Variants in KDM4C observed in about 807,000 individuals in gnomAD.
KDM4C encodes lysine demethylase 4C, also known as lysine-specific demethylase 4C.
Under a neutral mutation model 129.3 loss-of-function variants are expected in KDM4C, and 81 were observed. The observed-to-expected ratio is 0.63, with a 90% CI of 0.52 to 0.75. KDM4C has a LOEUF of 0.75. Ranked by LOEUF, KDM4C falls within the 30% of genes least tolerant of loss-of-function variation. KDM4C has a pLI of 0.00. For synonymous variants in KDM4C, 573 were observed against 456.1 expected (o/e 1.26, Z -3.26); for missense variants, 1,457 against 1,304.0 (o/e 1.12, Z -1.81).
intron 4 of KDM4C, 196 bp downstream of exon 4, chr9:6,814,941 AC>A (rs1198552407): frequency 1.7e-5 from 7 of 414,640 alleles, no homozygotes; most frequent in African/African-American, 1.4e-4. Context: ...TCGTACAAAT[AC>A]CTGAAATTGT....
chr9:6,736,892 A>T (rs1817542079), intron 1 of KDM4C, among the ~76,000 whole-genome samples: 1 of 152,046 alleles, frequency 6.6e-6, no homozygotes, highest in South Asian at 2.1e-4. Context: ...CTCTACAAAA[A>T]AATACAAAAT....
intron 4 of KDM4C, among the ~76,000 whole-genome samples, chr9:6,828,186 C>T (rs1164161566): frequency 3.3e-5 from 5 of 151,862 alleles, no homozygotes; most frequent in Non-Finnish European, 7.4e-5. Context: ...CTCGCACTGT[C>T]GCCCAGGCTG....
upstream of KDM4C, chr9:6,757,582 C>CA: frequency 1.0e-6 from 1 of 965,084 alleles, no homozygotes; most frequent in Non-Finnish European, 1.2e-6. Flanking sequence ...CCAGGCTCTC[C>CA]AGTACATTCC....
At chr9:6,962,752 A>G (rs2131612509) in intron 8 of KDM4C, among the ~76,000 whole-genome samples, 1 of 152,312 alleles carries the variant, frequency 6.6e-6, no homozygotes, top group East Asian at 1.9e-4. Flanking sequence ...AGATTATAAT[A>G]CTTAAATGCA....
At chr9:7,140,488 T>TA (rs1235598486) in intron 19 of KDM4C, among the ~76,000 whole-genome samples, 1 of 152,192 alleles carries the variant, frequency 6.6e-6, no homozygotes, top group Non-Finnish European at 1.5e-5. Context: ...TCTTTCTTCT[T>TA]AGAGTTGGGG....
At chr9:7,132,234 A>G (rs1349829375) in intron 19 of KDM4C, among the ~76,000 whole-genome samples, 2 of 152,232 alleles carry the variant, frequency 1.3e-5, no homozygotes, top group East Asian at 3.9e-4. Flanking sequence ...AGAAAGTTAC[A>G]TTCCCATATT....
chr9:6,730,341 C>T (rs1032289594), intron 1 of KDM4C, among the ~76,000 whole-genome samples: 6 of 152,062 alleles, frequency 3.9e-5, no homozygotes, highest in African/African-American at 1.4e-4. Flanking sequence ...AGCGGCTGGG[C>T]GTGGTGGCTC....
At chr9:7,050,442 C>CAAAAAAA (rs71500910) in intron 17 of KDM4C, among the ~76,000 whole-genome samples, 3 of 78,278 alleles carry the variant, frequency 3.8e-5, no homozygotes, top group African/African-American at 8.6e-5. Flanking sequence ...CCCAGATTAC[C>CAAAAAAA]AAAAAAAAAA....
chr9:7,016,692 C>A (rs1329673704), intron 15 of KDM4C, among the ~76,000 whole-genome samples: 1 of 151,990 alleles, frequency 6.6e-6, no homozygotes, highest in Non-Finnish European at 1.5e-5. Context: ...TCCCAAAATG[C>A]TAGGATTACA....
At chr9:7,136,983 G>T (rs1439067198) in intron 19 of KDM4C, among the ~76,000 whole-genome samples, 1 of 152,176 alleles carries the variant, frequency 6.6e-6, no homozygotes, top group African/African-American at 2.4e-5. Context: ...GCTTTCTTGT[G>T]AGATTTATTT....
At chr9:6,861,664 C>T (rs1380525123) in intron 5 of KDM4C, among the ~76,000 whole-genome samples, 3 of 152,216 alleles carry the variant, frequency 2.0e-5, no homozygotes, top group African/African-American at 7.2e-5. Flanking sequence ...CTCTTCCTCC[C>T]AGTGACTTAT....
At chr9:6,931,934 C>G (rs1363416765) in intron 8 of KDM4C, among the ~76,000 whole-genome samples, 1 of 152,134 alleles carries the variant, frequency 6.6e-6, no homozygotes, top group Non-Finnish European at 1.5e-5. Context: ...GAAAAGATAT[C>G]CTAAGCAATA....
At chr9:7,036,453 A>G (rs959922129) in intron 15 of KDM4C, among the ~76,000 whole-genome samples, 4 of 152,166 alleles carry the variant, frequency 2.6e-5, no homozygotes, top group African/African-American at 9.7e-5. Context: ...TTGCCACTTA[A>G]TATGTGCCTG....
At chr9:6,787,978 C>G (rs1028081915) in intron 1 of KDM4C, among the ~76,000 whole-genome samples, 2 of 152,216 alleles carry the variant, frequency 1.3e-5, no homozygotes, top group Non-Finnish European at 2.9e-5. Flanking sequence ...CTCCTCCTTG[C>G]TTACTGAGTT....
chr9:6,971,562 A>G (rs957772680), intron 8 of KDM4C, among the ~76,000 whole-genome samples: 2 of 152,228 alleles, frequency 1.3e-5, no homozygotes, highest in East Asian at 1.9e-4. Context: ...GATTCATTAC[A>G]TCAATGATGA....
At chr9:7,174,530 A>C (rs770940893) in intron 21 of KDM4C, 23 bp from the exon 22 acceptor site, 1 of 1,611,610 alleles carries the variant, frequency 6.2e-7, no homozygotes, top group Non-Finnish European at 8.5e-7. Context: ...GCCCTTTTGC[A>C]ATATAACACC....
At chr9:6,849,406 C>A in intron 4 of KDM4C, 101 bp from the exon 5 acceptor site, 80 of 888,714 alleles carry the variant, frequency 9.0e-5, no homozygotes, top group East Asian at 8.1e-5. Flanking sequence ...TTAGAATATA[C>A]AATGTAATAA....
intron 5 of KDM4C, among the ~76,000 whole-genome samples, chr9:6,856,455 A>G (rs901786259): frequency 7.2e-5 from 11 of 152,064 alleles, no homozygotes; most frequent in Non-Finnish European, 1.6e-4. Flanking sequence ...ATAAGAAAAT[A>G]CTTTTAGAAA....
chr9:6,859,473 CAAAAAAAAAAAAA>C (rs58056883), intron 5 of KDM4C, among the ~76,000 whole-genome samples: 1 of 47,848 alleles, frequency 2.1e-5, no homozygotes, highest in African/African-American at 8.2e-5. Flanking sequence ...GACTCTGTCT[CAAAAAAAAAAAAA>C]AAAAAAAAAA....
Sources: gnomAD v4.1 joint callset for allele counts (sites outside exome capture counted in the v4.1 genomes callset) on GRCh38, gnomAD v4.1.1 for gene constraint, MANE v1.5 for transcripts, NCBI Gene and HGNC (gene_info 2026-07-23, HGNC 2026-07-21) for gene names.